ATP6V0A2: variants seen among roughly 807,000 people sequenced by gnomAD.
ATP6V0A2 encodes the protein ATPase H+ transporting V0 subunit a2, also known as V-type proton ATPase 116 kDa subunit a 2.
Under a neutral mutation model 104.4 loss-of-function variants are expected in ATP6V0A2, and 58 were observed. The observed-to-expected ratio is 0.56, with a 90% CI of 0.45 to 0.69. The LOEUF (loss-of-function observed/expected upper bound fraction) is 0.69. Ranked by LOEUF, ATP6V0A2 falls within the 30% of genes least tolerant of loss-of-function variation. The probability of loss-of-function intolerance (pLI) is 0.00; values close to 1 mark genes in which losing one functional copy is unlikely to be tolerated. For synonymous variants in ATP6V0A2, 376 were observed against 397.9 expected, an observed-to-expected ratio of 0.95 and a Z score of 0.65; for missense variants, 938 against 1,062.9, an observed-to-expected ratio of 0.88 and a Z score of 1.63.
At chr12:123,716,952 C>CTGTAAG (rs1485149186) in intron 1 of ATP6V0A2, among the ~76,000 whole-genome samples, 2 of 152,072 alleles carry the variant, frequency 1.3e-5, no homozygotes, top group Non-Finnish European at 1.5e-5. Context: ...CTAGGGTTGT[C>CTGTAAG]TGGACATTCC....
At chr12:123,735,054 A>G (rs933898877) in intron 7 of ATP6V0A2, among the ~76,000 whole-genome samples, 16 of 152,112 alleles carry the variant, frequency 1.1e-4, no homozygotes, top group African/African-American at 3.9e-4. Context: ...TCCCTCGTGC[A>G]GTCTGGGTGC....
intron 9 of ATP6V0A2, among the ~76,000 whole-genome samples, chr12:123,740,064 G>C (rs1238363017): frequency 6.6e-6 from 1 of 152,090 alleles, no homozygotes; most frequent in Non-Finnish European, 1.5e-5. Flanking sequence ...TCTGGAGGCC[G>C]GGGTGGGAGG....
intron 17 of ATP6V0A2, among the ~76,000 whole-genome samples, chr12:123,753,494 C>T (rs1956735826): frequency 6.6e-6 from 1 of 152,254 alleles, no homozygotes. Flanking sequence ...TCTGTGCCTG[C>T]ACCCCTGTTT....
chr12:123,717,177 T>A (rs1017933492), intron 1 of ATP6V0A2, among the ~76,000 whole-genome samples: 26 of 151,622 alleles, frequency 1.7e-4, no homozygotes, highest in Non-Finnish European at 3.7e-4. Context: ...TAGCCGGGGG[T>A]GGTGGCACTT....
Position 123,724,810 on chromosome 12 carries a change from G to C in ATP6V0A2, c.432+19G>C. On this transcript the variant is annotated intron_variant, in intron 4 of 19. Transcript: ENST00000330342. ...TGTTGAGGTACTGAACAGCTCGTGAGGAAATACAGCTGTTTTTATAAACAG... is the reference window on the plus strand; with the variant it reads ...TGTTGAGGTACTGAACAGCTCGTGACGAAATACAGCTGTTTTTATAAACAG... 2 of 1,610,186 alleles carry C rather than the reference G, an allele frequency of 1.2e-6. No homozygotes were observed. The highest frequency in any genetic ancestry group is 1.7e-6 in the Non-Finnish European group (2 of 1,176,766).
At position 123,759,420 on chromosome 12, in the gene ATP6V0A2, TTTTATAATC is replaced by T. The variant is rs777449004; in HGVS notation, c.*1393_*1401del. On this transcript the variant is annotated 3_prime_UTR_variant, in exon 20 of 20. Transcript: ENST00000330342. ...GAAAACTAATTCTTAATAGCCATTG[TTTTATAATC>T]TTTAGTTTAAATTCATCTGTTTGAC... The T allele has an allele frequency of 4.6e-5, 7 of 152,250 alleles. No individual in the cohort carries two copies. The highest frequency in any genetic ancestry group is 1.0e-4 in the Non-Finnish European group (7 of 68,050). 9.4% of individuals were successfully genotyped at this position (152,250 alleles called of 1,614,324 possible).
In ATP6V0A2 at chr12:123,744,987, CTCTG is replaced by C; in HGVS notation, c.1605+18_1605+21del. On this transcript the variant is annotated intron_variant, in intron 13 of 19. Transcript: ENST00000330342. The surrounding 1 kb of genome is among the most constrained non-coding windows in gnomAD (Gnocchi z 5.4). ...GCATTGATCCTGTGAGTGCACCACG[CTCTG>C]TCGTTGTCTCTGGATGCTCTGTGGT... 1 of 1,612,072 alleles carries C rather than the reference CTCTG, an allele frequency of 6.2e-7. No individual in the cohort carries two copies. The highest frequency in any genetic ancestry group is 8.5e-7 in the Non-Finnish European group (1 of 1,178,124).
rs1230489386 is a variant in ATP6V0A2 at position 123,712,381 on chromosome 12, C to T, written c.-185C>T. 11 of 359,826 alleles carry T rather than the reference C, an allele frequency of 3.1e-5. No individual in the cohort carries two copies. The highest frequency in any genetic ancestry group is 5.4e-5 in the Non-Finnish European group (11 of 204,034). The allele number at this position is 359,826 out of a possible 1,614,324, so 22.3% of individuals were successfully genotyped here. A position where few individuals can be genotyped will look rare whatever the true frequency, so the allele number is the denominator to read the frequency against. The stretch of plus-strand genomic sequence containing the variant: ...ACCTCGCGGACTGCTGTGGCGGCAG[C>T]TGGAGCGGCGGCCGCGGTGGCAGAA... On this transcript the variant is annotated 5_prime_UTR_variant, in exon 1 of 20. Transcript: ENST00000330342.
intron 13 of ATP6V0A2, 114 bp downstream of exon 13, chr12:123,745,086 G>A (rs920172394): frequency 1.9e-6 from 2 of 1,065,854 alleles, no homozygotes; most frequent in South Asian, 1.3e-5. Flanking sequence ...CTGAGCGGGA[G>A]GTGCTCATTA....
intron 1 of ATP6V0A2, among the ~76,000 whole-genome samples, chr12:123,717,494 G>A (rs144866718): frequency 0.025 from 3,712 of 147,626 alleles, 78 homozygotes; most frequent in Middle Eastern, 0.056. Flanking sequence ...ACCCAGGCTA[G>A]AGTGCAGTGG....
chr12:123,758,324 A>G lies in ATP6V0A2; in HGVS notation c.*292A>G, dbSNP rs1380467575. ...ATACAGGATTTGGGGAGAGAAGCCAATTTTGCATGGCTAGTTGAAAATGGT... is the reference window on the plus strand; with the variant it reads ...ATACAGGATTTGGGGAGAGAAGCCAGTTTTGCATGGCTAGTTGAAAATGGT... On this transcript the variant is annotated 3_prime_UTR_variant, in exon 20 of 20. Coordinates refer to ENST00000330342, the MANE Select transcript of ATP6V0A2 (RefSeq NM_012463.4). 1.2e-5 allele frequency: 3 copies of G among 253,222 alleles called. No individual in the cohort carries two copies. The highest frequency in any genetic ancestry group is 2.3e-5 in the African/African-American group (1 of 44,224). 15.7% of individuals were successfully genotyped at this position (253,222 alleles called of 1,614,324 possible).
chr12:123,751,155 C>T lies in ATP6V0A2; in HGVS notation c.1981C>T (p.Pro661Ser). 1 of 1,614,132 alleles carries T rather than the reference C, an allele frequency of 6.2e-7. No homozygotes were observed. The highest frequency in any genetic ancestry group is 8.5e-7 in the Non-Finnish European group (1 of 1,180,042). ...VLLVVTALSV[P>S]VLFLGKPLFL... ...GCTGGTTGTCACAGCATTGTCTGTCCCTGTCCTCTTCTTGGGAAAGCCACT... is the reference window on the plus strand; with the variant it reads ...GCTGGTTGTCACAGCATTGTCTGTCTCTGTCCTCTTCTTGGGAAAGCCACT... Residue 661 changes from proline (P) to serine (S), a missense_variant, in exon 16 of 20, where the codon CCT becomes TCT. Transcript: ENST00000330342.
intron 17 of ATP6V0A2, chr12:123,754,001 G>A (rs1956740188): frequency 4.6e-6 from 1 of 217,090 alleles, no homozygotes; most frequent in African/African-American, 2.3e-5. Context: ...GCTCTACTTA[G>A]AATGCTCACA....
chr12:123,760,609 T>C lies in ATP6V0A2; in HGVS notation c.*2577T>C, dbSNP rs1302516319. On this transcript the variant is annotated 3_prime_UTR_variant, in exon 20 of 20. Transcript: ENST00000330342. ...TAAAGATAAATGTCACGACACGACA[T>C]TTCTCAGTTTTTATTTAGATGTTTA... is the stretch of plus-strand genomic sequence containing the variant. 6.6e-6 allele frequency: 1 copy of C among 152,218 alleles called. No individual in the cohort carries two copies. The highest frequency in any genetic ancestry group is 2.4e-5 in the African/African-American group (1 of 41,454). 9.4% of individuals were successfully genotyped at this position (152,218 alleles called of 1,614,324 possible). A position where few individuals can be genotyped will look rare whatever the true frequency, so the allele number is the denominator to read the frequency against.
At chr12:123,716,733 G>A (rs1189765465) in intron 1 of ATP6V0A2, among the ~76,000 whole-genome samples, 2 of 151,400 alleles carry the variant, frequency 1.3e-5, no homozygotes, top group African/African-American at 4.9e-5. Context: ...AGAGGTTGCA[G>A]TGAGCTGAGA....
chr12:123,746,890 G>A (rs1481050145), intron 13 of ATP6V0A2, among the ~76,000 whole-genome samples: 1 of 151,186 alleles, frequency 6.6e-6, no homozygotes. Context: ...CCAAGATTGC[G>A]CCACTGCACT....
At chr12:123,745,898 G>T (rs544824618) in intron 13 of ATP6V0A2, among the ~76,000 whole-genome samples, 2 of 152,108 alleles carry the variant, frequency 1.3e-5, no homozygotes, top group Non-Finnish European at 2.9e-5. Flanking sequence ...GTTTGTGGAT[G>T]TAATTGTGTA....
chr12:123,714,676 T>C (rs1272153015), intron 1 of ATP6V0A2, among the ~76,000 whole-genome samples: 1 of 152,140 alleles, frequency 6.6e-6, no homozygotes, highest in Non-Finnish European at 1.5e-5. Flanking sequence ...AAATGTGCCT[T>C]GAATTGAATC....
rs1250393942 is a variant in ATP6V0A2, at chr12:123,726,400, A to T, written c.521+115A>T. 5 of 767,380 alleles carry T rather than the reference A, an allele frequency of 6.5e-6. No homozygotes were observed. In the Admixed American group the frequency reaches 8.0e-5, roughly 12 times the overall value. The allele number at this position is 767,380 out of a possible 1,614,324, so 47.5% of individuals were successfully genotyped here. A position where few individuals can be genotyped will look rare whatever the true frequency, so the allele number is the denominator to read the frequency against. On this transcript the variant is annotated intron_variant, in intron 5 of 19. Transcript: ENST00000330342. ...TTTAAAGCCTAGGGTTGAATGAAAC[A>T]TAGTGAATATTTGTTTAAGAAACAC...
Sources: allele counts gnomAD v4.1 joint callset (sites outside exome capture counted in the v4.1 genomes callset), GRCh38; gene constraint gnomAD v4.1.1; non-coding constraint Gnocchi (gnomAD v3.1); transcripts MANE v1.5; gene names NCBI Gene and HGNC (gene_info 2026-07-23, HGNC 2026-07-21).